MCTP1: variants seen among roughly 807,000 people sequenced by gnomAD.
The protein encoded by MCTP1 is multiple C2 and transmembrane domain containing 1.
In MCTP1, 69 loss-of-function variants were observed where a neutral mutation model predicts 120.6. The ratio of observed to expected loss-of-function variants is 0.57; its 90% CI spans 0.47 to 0.70. The LOEUF (loss-of-function observed/expected upper bound fraction) is 0.70. Ranked by LOEUF, MCTP1 falls within the 30% of genes least tolerant of loss-of-function variation. The probability of loss-of-function intolerance (pLI) is 0.00; values close to 1 mark genes in which losing one functional copy is unlikely to be tolerated. For synonymous variants in MCTP1, 529 were observed against 493.1 expected (o/e 1.07, Z -0.96); for missense variants, 1,203 against 1,248.8 (o/e 0.96, Z 0.55).
intron 1 of MCTP1, among the ~76,000 whole-genome samples, chr5:95,033,768 G>A (rs1840726669): frequency 6.6e-6 from 1 of 152,016 alleles, no homozygotes; most frequent in Non-Finnish European, 1.5e-5. Context: ...AGGAAAAAAA[G>A]GAAGCCAAAT....
chr5:95,041,363 T>C (rs1053508447), intron 1 of MCTP1, among the ~76,000 whole-genome samples: 15 of 150,788 alleles, frequency 9.9e-5, no homozygotes, highest in Admixed American at 6.6e-4. Context: ...ATTAGGTACC[T>C]GAAACTATAT....
intron 15 of MCTP1, among the ~76,000 whole-genome samples, 188 bp from the exon 16 acceptor site, chr5:94,870,679 C>G (rs150255676): frequency 1.1e-3 from 160 of 152,222 alleles, no homozygotes; most frequent in South Asian, 4.1e-3. Flanking sequence ...GCGGCCAGAA[C>G]ACAACCGCAG....
At chr5:95,188,321 T>C (rs948014609) in intron 1 of MCTP1, among the ~76,000 whole-genome samples, 7 of 152,160 alleles carry the variant, frequency 4.6e-5, no homozygotes, top group African/African-American at 1.7e-4. Flanking sequence ...TGTAAAACGG[T>C]ACCGTTATTC....
chr5:95,190,767 T>C (rs1009110406), intron 1 of MCTP1, among the ~76,000 whole-genome samples: 2 of 152,104 alleles, frequency 1.3e-5, no homozygotes, highest in African/African-American at 4.8e-5. Flanking sequence ...TAAGTGCTAT[T>C]TGATGTACAT....
At chr5:95,274,480 C>A (rs1265228459) in intron 1 of MCTP1, among the ~76,000 whole-genome samples, 1 of 152,134 alleles carries the variant, frequency 6.6e-6, no homozygotes, top group Non-Finnish European at 1.5e-5. Flanking sequence ...GGAACCTTCT[C>A]CCATCAATTA....
chr5:94,791,739 T>C (rs1779016947), intron 18 of MCTP1: 1 of 152,108 alleles, frequency 6.6e-6, no homozygotes, highest in Non-Finnish European at 1.5e-5. Flanking sequence ...ATAGAAAGAG[T>C]ATATAGAATA....
rs558034118 is a variant in MCTP1, at chr5:95,080,798, C to T, written c.721-63314G>A. 3.1e-3 allele frequency among the ~76,000 whole-genome samples: 468 copies of T among 152,314 alleles called. 3 individuals are homozygous for T. Among genetic ancestry groups the T allele is most frequent in the Non-Finnish European group, 4.9e-3 (333 of 68,012 alleles). ...TTCTCTAGCCATGCAATTTGTATGA[C>T]TGCCTCCAACAGCAAGTGAGAAAGT... is the stretch of plus-strand genomic sequence containing the variant. On this transcript the variant is annotated intron_variant, in intron 1 of 22. Transcript: ENST00000515393.
At chr5:94,898,026 T>C (rs983295590) in intron 10 of MCTP1, among the ~76,000 whole-genome samples, 10 of 152,200 alleles carry the variant, frequency 6.6e-5, no homozygotes, top group Non-Finnish European at 1.3e-4. Flanking sequence ...AAATTGAATT[T>C]TGAAACTATG....
intron 19 of MCTP1, among the ~76,000 whole-genome samples, chr5:94,718,207 G>T (rs1208230624): frequency 6.6e-6 from 1 of 152,000 alleles, no homozygotes; most frequent in Non-Finnish European, 1.5e-5. Flanking sequence ...AAATAAGACC[G>T]CACATCTACA....
chr5:94,857,977 C>A (rs901803664), intron 17 of MCTP1, among the ~76,000 whole-genome samples: 3 of 151,586 alleles, frequency 2.0e-5, no homozygotes, highest in Admixed American at 6.6e-5. Context: ...AGAAAGACAG[C>A]GATACAATGA....
chr5:95,034,311 T>C (rs1216974920), intron 1 of MCTP1, among the ~76,000 whole-genome samples: 1 of 152,034 alleles, frequency 6.6e-6, no homozygotes, highest in Admixed American at 6.6e-5. Flanking sequence ...TCACATTACA[T>C]GACTTCCAAC....
chr5:94,704,082 G>T lies in MCTP1; in HGVS notation c.*3414C>A, dbSNP rs1421202662. The T allele has an allele frequency of 6.6e-6, 1 of 151,144 alleles. No homozygotes were observed. Among genetic ancestry groups the T allele is most frequent in the Non-Finnish European group, 1.5e-5 (1 of 67,584 alleles). 9.4% of individuals were successfully genotyped at this position (151,144 alleles called of 1,614,324 possible). A position where few individuals can be genotyped will look rare whatever the true frequency, so the allele number is the denominator to read the frequency against. ...TATAATTGAAAGGAATGACACTATT[G>T]TAAGAAAGAATTTACCACATTATTT... is the stretch of plus-strand genomic sequence containing the variant. On this transcript the variant is annotated 3_prime_UTR_variant, in exon 23 of 23. Transcript: ENST00000515393.
intron 2 of MCTP1, among the ~76,000 whole-genome samples, chr5:95,002,334 C>T (rs137986610): frequency 0.013 from 1,922 of 152,220 alleles, 26 homozygotes; most frequent in South Asian, 0.032. Flanking sequence ...AGAGGGTCAC[C>T]GTCCTCCAGA....
intron 1 of MCTP1, among the ~76,000 whole-genome samples, chr5:95,048,304 T>C (rs1052863265): frequency 2.0e-5 from 3 of 152,178 alleles, no homozygotes; most frequent in Admixed American, 2.0e-4. Flanking sequence ...AAGTGTATTT[T>C]TGACTGACTT....
At chr5:94,878,049 C>G (rs553390127) in intron 12 of MCTP1, among the ~76,000 whole-genome samples, 1 of 152,228 alleles carries the variant, frequency 6.6e-6, no homozygotes, top group East Asian at 1.9e-4. Context: ...TTGGGCCTAC[C>G]TTGTACAAAT....
intron 1 of MCTP1, among the ~76,000 whole-genome samples, chr5:95,152,524 A>G (rs1469871300): frequency 6.6e-6 from 1 of 152,200 alleles, no homozygotes; most frequent in African/African-American, 2.4e-5. Flanking sequence ...GATATGGGGA[A>G]AAATTAATTC....
At position 94,766,667 on chromosome 5, in the gene MCTP1, A is replaced by G. The variant is rs572324678; in HGVS notation, c.2610+12443T>C. On this transcript the variant is annotated intron_variant, in intron 19 of 22. Coordinates refer to ENST00000515393, the MANE Select transcript of MCTP1 (RefSeq NM_024717.7). Reference sequence around the variant, plus strand: ...GCACATGTACCCTAGAACTTAAAGTATAGTTAAAAAAAAAAAAGGCAAACC... The same window carrying G: ...GCACATGTACCCTAGAACTTAAAGTGTAGTTAAAAAAAAAAAAGGCAAACC... Among the ~76,000 whole-genome samples the G allele has an allele frequency of 2.3e-4, 33 of 143,150 alleles. No individual in the cohort carries two copies. In the East Asian group the frequency reaches 6.8e-3, roughly 30 times the overall value. 93.9% of individuals were successfully genotyped at this position (143,150 alleles called of 152,430 possible).
intron 2 of MCTP1, among the ~76,000 whole-genome samples, chr5:94,956,562 G>T (rs1822665853): frequency 1.3e-5 from 2 of 152,120 alleles, no homozygotes; most frequent in African/African-American, 4.8e-5. Flanking sequence ...CCAGTTCAGA[G>T]AAGAACATAA....
intron 1 of MCTP1, among the ~76,000 whole-genome samples, chr5:95,148,520 A>G (rs1760615855): frequency 6.6e-6 from 1 of 152,178 alleles, no homozygotes. Context: ...AAATTCTTGT[A>G]GTGAGTTCTC....
Sources: gnomAD v4.1 joint callset for allele counts (sites outside exome capture counted in the v4.1 genomes callset) on GRCh38, gnomAD v4.1.1 for gene constraint, MANE v1.5 for transcripts, NCBI Gene and HGNC (gene_info 2026-07-23, HGNC 2026-07-21) for gene names.